ERCC6L2: variants seen among roughly 807,000 people sequenced by gnomAD.
ERCC6L2 encodes ERCC excision repair 6 like 2, also known as DNA excision repair protein ERCC-6-like 2.
Under a neutral mutation model 132.0 loss-of-function variants are expected in ERCC6L2, and 77 were observed. The observed-to-expected ratio is 0.58, with a 90% CI of 0.49 to 0.71. The LOEUF (loss-of-function observed/expected upper bound fraction) is 0.71. Ranked by LOEUF, ERCC6L2 falls within the 30% of genes least tolerant of loss-of-function variation. ERCC6L2 has a pLI of 0.00. For missense variants in ERCC6L2, 1,542 were observed against 1,837.6 expected (o/e 0.84, Z 2.94); for synonymous variants, 583 against 632.4 (o/e 0.92, Z 1.17).
At chr9:96,037,570 C>T (rs1426997701) in intron 19 of ERCC6L2, among the ~76,000 whole-genome samples, 3 of 152,132 alleles carry the variant, frequency 2.0e-5, no homozygotes, top group Non-Finnish European at 2.9e-5. Context: ...ATGCTGTCCA[C>T]CAAAGCAGGA....
chr9:95,886,145 A>G (rs1827854520), intron 2 of ERCC6L2, among the ~76,000 whole-genome samples: 1 of 152,052 alleles, frequency 6.6e-6, no homozygotes, highest in Non-Finnish European at 1.5e-5. Context: ...CCTCCCAAGT[A>G]GCTGGGACCA....
chr9:96,037,046 G>A (rs1042953088), intron 19 of ERCC6L2, among the ~76,000 whole-genome samples: 1 of 152,104 alleles, frequency 6.6e-6, no homozygotes, highest in Non-Finnish European at 1.5e-5. Flanking sequence ...GATTACAGGC[G>A]TGAGCCACTG....
intron 11 of ERCC6L2, among the ~76,000 whole-genome samples, chr9:95,937,504 A>G (rs1830609828): frequency 6.6e-6 from 1 of 152,044 alleles, no homozygotes; most frequent in Admixed American, 6.6e-5. Context: ...AGTTTTGAAA[A>G]TAACATACTC....
chr9:95,988,437 C>A (rs1833175777), intron 17 of ERCC6L2, among the ~76,000 whole-genome samples: 1 of 152,172 alleles, frequency 6.6e-6, no homozygotes, highest in Admixed American at 6.6e-5. Flanking sequence ...AGTCAAATTT[C>A]AGTTAATCTA....
chr9:95,973,495 T>A (rs1832524398), intron 16 of ERCC6L2, among the ~76,000 whole-genome samples: 1 of 152,152 alleles, frequency 6.6e-6, no homozygotes, highest in Non-Finnish European at 1.5e-5. Flanking sequence ...CAGTTCCACA[T>A]GGCTAGGGAG....
rs778340860 is a variant in ERCC6L2 at position 95,907,099 on chromosome 9, C to G, written c.616C>G (p.Leu206Val). The G allele has an allele frequency of 7.5e-6, 12 of 1,608,804 alleles. No homozygotes were observed. Among genetic ancestry groups the G allele is most frequent in the Non-Finnish European group, 2.5e-6 (3 of 1,178,686 alleles). Residue 206 changes from leucine (L) to valine (V), a missense_variant, in exon 4 of 19, where the codon CTT becomes GTT. Leu to Val is a conservative substitution (Grantham distance 32). This residue lies in a region of ERCC6L2 where 945 missense variants were observed against 1,105.2 expected (regional missense o/e 0.86). Coordinates refer to ENST00000653738, the MANE Select transcript of ERCC6L2 (RefSeq NM_020207.7). ...AKKMFLIVAP[L>V]SVLYNWKDEL... ...TTAGATGTTCTTAATAGTTGCTCCT[C>G]TTTCTGTCCTCTACAACTGGAAGGA...
chr9:95,976,437 C>T (rs1337163117), intron 16 of ERCC6L2, among the ~76,000 whole-genome samples: 1 of 152,146 alleles, frequency 6.6e-6, no homozygotes, highest in African/African-American at 2.4e-5. Context: ...AGCAACAAAC[C>T]TTCCCAGATT....
chr9:95,913,662 C>T (rs182634411), intron 4 of ERCC6L2, among the ~76,000 whole-genome samples: 62 of 152,226 alleles, frequency 4.1e-4, no homozygotes, highest in African/African-American at 1.5e-3. Context: ...ATAGTCAGTC[C>T]CTGCTTCCAT....
rs1832444668 is a variant in ERCC6L2 at position 95,972,175 on chromosome 9, T to G, written c.2424T>G (p.Asp808Glu). 2 of 1,304,122 alleles carry G rather than the reference T, an allele frequency of 1.5e-6. No homozygotes were observed. The highest frequency in any genetic ancestry group is 2.0e-6 in the Non-Finnish European group (2 of 988,954). The allele number at this position is 1,304,122 out of a possible 1,614,324, so 80.8% of individuals were successfully genotyped here. A position where few individuals can be genotyped will look rare whatever the true frequency, so the allele number is the denominator to read the frequency against. The change falls in exon 16 of 19, where the codon GAT (aspartate) becomes GAG (glutamate). Residue 808 changes from aspartate (D) to glutamate (E), a missense_variant. Physicochemically the swap from Asp to Glu is conservative, Grantham distance 45. Around this residue, in one of 4 missense-constraint regions of ERCC6L2, gnomAD observed 945 missense variants for 1,105.2 expected, o/e 0.86. Transcript: ENST00000653738. ...LLETKCKAVEDSDGNTASDDE... is the reference protein window; with the variant it reads ...LLETKCKAVEESDGNTASDDE... ...AAACAAAATGTAAAGCAGTTGAGGATAGTGATGGAAATACTGCCTCTGATG... is the reference window on the plus strand; with the variant it reads ...AAACAAAATGTAAAGCAGTTGAGGAGAGTGATGGAAATACTGCCTCTGATG...
At chr9:95,924,418 A>C (rs1349052549) in intron 9 of ERCC6L2, among the ~76,000 whole-genome samples, 1 of 152,108 alleles carries the variant, frequency 6.6e-6, no homozygotes, top group African/African-American at 2.4e-5. Context: ...TTCAAATCTA[A>C]TGATATTTCC....
rs1397331820 is a variant in ERCC6L2, at chr9:95,904,845, A to T, written c.595-2233A>T. ...TTGAGCAAGATTTATTGAAAGATAT[A>T]AATAATTCAGTATTCTCTAGTTGCA... On this transcript the variant is annotated intron_variant, in intron 3 of 18. Transcript: ENST00000653738. Among the ~76,000 whole-genome samples the T allele has an allele frequency of 3.9e-5, 6 of 152,196 alleles. 1 individual carries two copies. The highest frequency in any genetic ancestry group is 1.4e-4 in the African/African-American group (6 of 41,456).
intron 18 of ERCC6L2, among the ~76,000 whole-genome samples, chr9:96,006,909 T>C (rs1833881634): frequency 6.6e-6 from 1 of 152,118 alleles, no homozygotes; most frequent in Admixed American, 6.5e-5. Flanking sequence ...TAAGTTCCCA[T>C]TTGAGAATAA....
At chr9:96,030,994 T>C (rs1476014234) in intron 19 of ERCC6L2, among the ~76,000 whole-genome samples, 1 of 152,052 alleles carries the variant, frequency 6.6e-6, no homozygotes, top group African/African-American at 2.4e-5. Context: ...GGTCTGTGAG[T>C]ATAAAAGCAT....
chr9:96,020,977 A>C (rs1341664238), downstream of ERCC6L2: 3 of 456,414 alleles, frequency 6.6e-6, no homozygotes, highest in Non-Finnish European at 1.3e-5. Context: ...GGAACGGCGC[A>C]CCGGGCCCCG....
chr9:95,973,634 C>G (rs910526823), intron 16 of ERCC6L2, among the ~76,000 whole-genome samples: 1 of 152,018 alleles, frequency 6.6e-6, no homozygotes, highest in Non-Finnish European at 1.5e-5. Flanking sequence ...GAGACTTATT[C>G]GCTATCATGA....
chr9:95,978,857 G>A (rs1040971556), intron 17 of ERCC6L2, among the ~76,000 whole-genome samples: 8 of 152,132 alleles, frequency 5.3e-5, no homozygotes, highest in Admixed American at 1.3e-4. Context: ...AGTTCAGAAT[G>A]CATACTGTAT....
intron 2 of ERCC6L2, among the ~76,000 whole-genome samples, chr9:95,891,946 C>T (rs56678652): frequency 0.12 from 18,364 of 151,964 alleles, 1,253 homozygotes; most frequent in African/African-American, 0.16. Context: ...ATACTAATCC[C>T]TCATCAGATA....
In ERCC6L2 at chr9:95,971,965, T is replaced by A; in HGVS notation, c.2214T>A (p.Gly738=). 7.7e-7 allele frequency: 1 copy of A among 1,303,784 alleles called. No homozygotes were observed. The highest frequency in any genetic ancestry group is 1.0e-6 in the Non-Finnish European group (1 of 988,774). The allele number at this position is 1,303,784 out of a possible 1,614,324, so 80.8% of individuals were successfully genotyped here. A position where few individuals can be genotyped will look rare whatever the true frequency, so the allele number is the denominator to read the frequency against. The change falls in exon 16 of 19, where the codon GGT becomes GGA. Residue 738 remains glycine, a synonymous_variant. Transcript: ENST00000653738. ...PRQPDCQECR[G]TEQAAEPLAK... ...AGCCTGACTGTCAGGAATGCAGAGG[T>A]ACAGAACAAGCTGCAGAGCCACTGG...
intron 11 of ERCC6L2, among the ~76,000 whole-genome samples, chr9:95,936,212 A>G (rs1830546106): frequency 6.6e-6 from 1 of 152,214 alleles, no homozygotes; most frequent in African/African-American, 2.4e-5. Context: ...CTATAGTGAT[A>G]CTTAGCATGG....
Sources: gnomAD v4.1 joint callset for allele counts (sites outside exome capture counted in the v4.1 genomes callset) on GRCh38, gnomAD v4.1.1 for gene constraint, gnomAD v4.1.1 regional missense constraint, MANE v1.5 for transcripts, NCBI Gene and HGNC (gene_info 2026-07-23, HGNC 2026-07-21) for gene names.